PCNT: variants seen among roughly 807,000 people sequenced by gnomAD.
The protein encoded by PCNT is pericentrin.
PCNT carries 319 observed loss-of-function variants against 380.4 expected under a neutral mutation model. The ratio of observed to expected loss-of-function variants is 0.84; its 90% CI spans 0.77 to 0.92. PCNT has a LOEUF of 0.92. Among genes scored for constraint, PCNT ranks in the 40% least tolerant of loss-of-function variants. The probability of loss-of-function intolerance (pLI) is 0.00; values close to 1 mark genes in which losing one functional copy is unlikely to be tolerated. For synonymous variants in PCNT, 1,845 were observed against 1,735.2 expected (o/e 1.06, Z -1.57); for missense variants, 4,400 against 4,255.3 (o/e 1.03, Z -0.95).
At chr21:46,407,336 T>C (rs2086648110) in intron 27 of PCNT, among the ~76,000 whole-genome samples, 2 of 131,702 alleles carry the variant, frequency 1.5e-5, no homozygotes, top group Non-Finnish European at 1.6e-5. Context: ...AGTTTATACT[T>C]TCTCTTTTTT....
In PCNT at chr21:46,394,608, C is replaced by G. The variant is rs181386232; in HGVS notation, c.4217-2657C>G. On this transcript the variant is annotated intron_variant, in intron 21 of 46. Coordinates refer to ENST00000359568, the MANE Select transcript of PCNT (RefSeq NM_006031.6). ...TGCACTGGATTTTGCAAATTATTTACTAAAGAAAAGTACTTCAGACCTTTT... is the reference window on the plus strand; with the variant it reads ...TGCACTGGATTTTGCAAATTATTTAGTAAAGAAAAGTACTTCAGACCTTTT... The G allele has an allele frequency of 3.5e-4, 255 of 718,678 alleles. 3 individuals are homozygous for G. Among genetic ancestry groups the G allele is most frequent in the East Asian group, 1.3e-4 (1 of 7,602 alleles). 44.5% of individuals were successfully genotyped at this position (718,678 alleles called of 1,614,324 possible).
intron 21 of PCNT, among the ~76,000 whole-genome samples, chr21:46,391,932 T>C (rs1473623811): frequency 6.6e-6 from 1 of 152,040 alleles, no homozygotes; most frequent in African/African-American, 2.4e-5. Context: ...TTCGTGCATC[T>C]CAGGCACGTG....
chr21:46,382,326 G>C (rs1161321528), intron 16 of PCNT, among the ~76,000 whole-genome samples: 1 of 146,662 alleles, frequency 6.8e-6, no homozygotes, highest in Non-Finnish European at 1.5e-5. Flanking sequence ...CGCATTCACA[G>C]TGTTGTATAT....
At chr21:46,441,429 C>T (rs1231511911) in intron 43 of PCNT, among the ~76,000 whole-genome samples, 1 of 152,202 alleles carries the variant, frequency 6.6e-6, no homozygotes, top group Non-Finnish European at 1.5e-5. Flanking sequence ...CCTGATGCCA[C>T]AGAGGTGTTT....
intron 14 of PCNT, among the ~76,000 whole-genome samples, chr21:46,365,053 T>C (rs1240558344): frequency 6.6e-6 from 1 of 152,254 alleles, no homozygotes; most frequent in Non-Finnish European, 1.5e-5. Flanking sequence ...GGACTCTCCC[T>C]GCCTCTGTCT....
At chr21:46,328,139 C>T (rs779459735) in intron 2 of PCNT, among the ~76,000 whole-genome samples, 5 of 152,286 alleles carry the variant, frequency 3.3e-5, no homozygotes, top group South Asian at 2.1e-4. Context: ...TGTATGTATC[C>T]TGCTTTACTT....
In PCNT at chr21:46,430,009, G is replaced by A. The variant is rs747483671; in HGVS notation, c.7691-1G>A. 23 of 1,613,826 alleles carry A rather than the reference G, an allele frequency of 1.4e-5. No individual in the cohort carries two copies. The highest frequency in any genetic ancestry group is 1.9e-5 in the Non-Finnish European group (22 of 1,179,804). On this transcript the variant is annotated splice_acceptor_variant, in intron 35 of 46. Coordinates refer to ENST00000359568, the MANE Select transcript of PCNT (RefSeq NM_006031.6). LOFTEE classifies it high-confidence loss of function. ...TGTTACTGTTCTTTTGTCTTTCTCA[G>A]TTGAACTGCTGGCTTATAAAGTAGA... is the stretch of plus-strand genomic sequence containing the variant.
chr21:46,434,325 A>C (rs1007523989), intron 38 of PCNT, among the ~76,000 whole-genome samples: 1 of 152,210 alleles, frequency 6.6e-6, no homozygotes, highest in Non-Finnish European at 1.5e-5. Context: ...TCTGAGCTGC[A>C]CCCTGGTCAC....
At chr21:46,443,007 G>A (rs1396656740) in intron 44 of PCNT, 1 of 246,938 alleles carries the variant, frequency 4.0e-6, no homozygotes, top group Non-Finnish European at 8.1e-6. Context: ...GGCTGCACTA[G>A]TGCTGAAGGA....
intron 2 of PCNT, among the ~76,000 whole-genome samples, chr21:46,331,187 C>T (rs1365418056): frequency 1.3e-5 from 2 of 151,996 alleles, no homozygotes; most frequent in Non-Finnish European, 2.9e-5. Flanking sequence ...GAGACAGGTC[C>T]TCCCTCTGGC....
chr21:46,343,891 C>G (rs57472638), intron 3 of PCNT, among the ~76,000 whole-genome samples: 7,613 of 152,086 alleles, frequency 0.05, 608 homozygotes, highest in African/African-American at 0.17. Flanking sequence ...TCCAGGTTTT[C>G]TAGTTTGTGC....
chr21:46,399,463 C>G, intron 24 of PCNT, 127 bp from the exon 25 acceptor site: 1 of 691,790 alleles, frequency 1.4e-6, no homozygotes, highest in Admixed American at 2.2e-5. Context: ...TCTAGGTCTC[C>G]CTTTGGGTCT....
At chr21:46,332,115 G>A (rs1179402953) in intron 2 of PCNT, among the ~76,000 whole-genome samples, 10 of 152,318 alleles carry the variant, frequency 6.6e-5, no homozygotes, top group East Asian at 3.9e-4. Flanking sequence ...AGCCGAGATC[G>A]CGCCATTGCA....
intron 34 of PCNT, 45 bp downstream of exon 34, chr21:46,427,840 C>G: frequency 1.9e-6 from 3 of 1,589,666 alleles, no homozygotes; most frequent in Non-Finnish European, 2.6e-6. Context: ...CCCCAGGGGT[C>G]CAGCCCTGGC....
chr21:46,390,628 A>C (rs1369986104), intron 19 of PCNT, 42 bp from the exon 20 acceptor site: 1 of 1,606,620 alleles, frequency 6.2e-7, no homozygotes, highest in East Asian at 2.2e-5. Context: ...GGCTTCAGTT[A>C]TTTTTGATCT....
chr21:46,412,227 G>T (rs544858738), intron 28 of PCNT, among the ~76,000 whole-genome samples, 160 bp downstream of exon 28: 1 of 152,314 alleles, frequency 6.6e-6, no homozygotes, highest in South Asian at 2.1e-4. Context: ...GGCCAGCCTG[G>T]GCCTGTTCCG....
Position 46,391,355 on chromosome 21 carries a change from G to A in PCNT, c.4195G>A (p.Asp1399Asn), listed in dbSNP as rs1206203692. The change falls in exon 21 of 47, where the codon GAC becomes AAC. Residue 1399 changes from aspartate to asparagine, a missense_variant. Asp to Asn is a conservative substitution (Grantham distance 23, BLOSUM62 1). Coordinates refer to ENST00000359568, the MANE Select transcript of PCNT (RefSeq NM_006031.6). ...LWSRGEATAT[D>N]AEAREAALRK... ...GAGTCGGGGGGAGGCCACAGCCACG[G>A]ACGCCGAGGCCAGAGAAGCTGGTAA... 13 of 1,551,686 alleles carry A rather than the reference G, an allele frequency of 8.4e-6. No homozygotes were observed. The highest frequency in any genetic ancestry group is 1.1e-5 in the Non-Finnish European group (13 of 1,147,556).
chr21:46,424,483 G>A (rs553227454), intron 32 of PCNT, among the ~76,000 whole-genome samples: 100 of 152,346 alleles, frequency 6.6e-4, no homozygotes, highest in African/African-American at 2.2e-3. Flanking sequence ...CCGGCCTCAC[G>A]GGAACCCACC....
At chr21:46,406,765 T>C (rs1362328498) in intron 27 of PCNT, among the ~76,000 whole-genome samples, 1 of 152,226 alleles carries the variant, frequency 6.6e-6, no homozygotes, top group Non-Finnish European at 1.5e-5. Context: ...GGAAGTTCTG[T>C]TATATTTCTA....
Sources: allele counts gnomAD v4.1 joint callset (sites outside exome capture counted in the v4.1 genomes callset), GRCh38; gene constraint gnomAD v4.1.1; transcripts MANE v1.5; gene names NCBI Gene and HGNC (gene_info 2026-07-23, HGNC 2026-07-21).